Variants in FOXF1 observed in about 807,000 individuals in gnomAD.
The protein encoded by FOXF1 is forkhead box protein F1.
Under a neutral mutation model 26.6 loss-of-function variants are expected in FOXF1, and 9 were observed. The ratio of observed to expected loss-of-function variants is 0.34; its 90% CI spans 0.20 to 0.59. FOXF1 has a LOEUF of 0.59. FOXF1 is among the 20% of genes least tolerant of loss of function. The probability of loss-of-function intolerance (pLI) is 0.83; values close to 1 mark genes in which losing one functional copy is unlikely to be tolerated. For synonymous variants in FOXF1, 330 were observed against 257.7 expected, an observed-to-expected ratio of 1.28 and a Z score of -2.69; for missense variants, 499 against 549.9, an observed-to-expected ratio of 0.91 and a Z score of 0.93.
rs1031693586 is a variant in FOXF1, at chr16:86,515,364, T to C, written c.*2279T>C. 3 of 152,198 alleles carry C rather than the reference T, an allele frequency of 2.0e-5. No homozygotes were observed. Among genetic ancestry groups the C allele is most frequent in the Non-Finnish European group, 4.4e-5 (3 of 68,050 alleles). 9.4% of individuals were successfully genotyped at this position (152,198 alleles called of 1,614,324 possible). On this transcript the variant is annotated 3_prime_UTR_variant, in exon 2 of 2. Transcript: ENST00000262426. This position sits in a 1 kb window ranked among gnomAD's most constrained non-coding sequence, Gnocchi z 4.1. ...TTGGACGTGGGGGTAATTTCTCCGG[T>C]GCTCTGTTACATCAAAATTATCAAT...
rs904576692 is a variant in FOXF1, at chr16:86,511,301, C to A, written c.732C>A (p.Pro244=). The A allele has an allele frequency of 7.9e-6, 12 of 1,521,544 alleles. No individual in the cohort carries two copies. Among genetic ancestry groups the A allele is most frequent in the African/African-American group, 2.8e-5 (2 of 71,722 alleles). 94.3% of individuals were successfully genotyped at this position (1,521,544 alleles called of 1,614,324 possible). A position where few individuals can be genotyped will look rare whatever the true frequency, so the allele number is the denominator to read the frequency against. Residue 244 remains proline (P), a synonymous_variant, in exon 1 of 2, where the codon CCC becomes CCA. Transcript: ENST00000262426. ...ACCCGCACCACGACAGCTCGGTGCCCGCCTCCCCGCTGCTGCCCACCGGCG... is the reference window on the plus strand; with the variant it reads ...ACCCGCACCACGACAGCTCGGTGCCAGCCTCCCCGCTGCTGCCCACCGGCG... ...GEYPHHDSSV[P]ASPLLPTGAG... is the part of the protein sequence containing the mutation.
In FOXF1 at chr16:86,510,674, G is replaced by C; in HGVS notation, c.105G>C (p.Lys35Asn). 1 of 1,611,592 alleles carries C rather than the reference G, an allele frequency of 6.2e-7. No individual in the cohort carries two copies. The highest frequency in any genetic ancestry group is 1.1e-5 in the South Asian group (1 of 91,024). The change falls in exon 1 of 2, where the codon AAG (lysine) becomes AAC (asparagine). Residue 35 changes from lysine to asparagine, a missense_variant. Physicochemically the swap from Lys to Asn is moderately conservative, Grantham distance 94 (BLOSUM62 0). Coordinates refer to ENST00000262426, the MANE Select transcript of FOXF1 (RefSeq NM_001451.3). ...ACCCCGCGTCGTCCGGCCCGTCCAAGGCCAAGAAGACCAACGCCGGCATCC... is the reference window on the plus strand; with the variant it reads ...ACCCCGCGTCGTCCGGCCCGTCCAACGCCAAGAAGACCAACGCCGGCATCC... ...AMDPASSGPSKAKKTNAGIRR... is the reference protein window; with the variant it reads ...AMDPASSGPSNAKKTNAGIRR...
In FOXF1 at chr16:86,511,396, C is replaced by G; in HGVS notation, c.827C>G (p.Ala276Gly). Reference sequence around the variant, plus strand: ...GCGGCCTGGCCGCCCTCGGCGTCCGCGGCGCTCAACAGCGGCGCCTCTTAT... The same window carrying G: ...GCGGCCTGGCCGCCCTCGGCGTCCGGGGCGCTCAACAGCGGCGCCTCTTAT... ...SAAAWPPSAS[A>G]ALNSGASYIK... The change falls in exon 1 of 2, where the codon GCG becomes GGG. Residue 276 changes from alanine to glycine, a missense_variant. Ala to Gly is a moderately conservative substitution (Grantham distance 60, BLOSUM62 0). Transcript: ENST00000262426. The G allele has an allele frequency of 6.3e-7, 1 of 1,588,336 alleles. No homozygotes were observed. The highest frequency in any genetic ancestry group is 8.5e-7 in the Non-Finnish European group (1 of 1,175,460).
chr16:86,512,018 C>T (rs1207773458), intron 1 of FOXF1, among the ~76,000 whole-genome samples: 1 of 152,218 alleles, frequency 6.6e-6, no homozygotes. Flanking sequence ...CCCAAAGCCG[C>T]TGGGCCAGCG....
Position 86,513,371 on chromosome 16 carries a change from G to T in FOXF1, c.*286G>T, listed in dbSNP as rs1167438463. 1 of 451,808 alleles carries T rather than the reference G, an allele frequency of 2.2e-6. No individual in the cohort carries two copies. Among genetic ancestry groups the T allele is most frequent in the Non-Finnish European group, 4.0e-6 (1 of 249,678 alleles). The allele number at this position is 451,808 out of a possible 1,614,324, so 28.0% of individuals were successfully genotyped here. A position where few individuals can be genotyped will look rare whatever the true frequency, so the allele number is the denominator to read the frequency against. On this transcript the variant is annotated 3_prime_UTR_variant, in exon 2 of 2. Transcript: ENST00000262426. Reference sequence around the variant, plus strand: ...TTTTGATCCTGTTGAACCCGCCTGAGACGGTGCTGTGCAGGGGAAAGCCCC... The same window carrying T: ...TTTTGATCCTGTTGAACCCGCCTGATACGGTGCTGTGCAGGGGAAAGCCCC...
rs975882773 is a variant in FOXF1, at chr16:86,510,680, G to A, written c.111G>A (p.Lys37=). The A allele has an allele frequency of 1.2e-6, 2 of 1,612,212 alleles. No individual in the cohort carries two copies. The highest frequency in any genetic ancestry group is 2.7e-5 in the African/African-American group (2 of 74,998). The change falls in exon 1 of 2, where the codon AAG becomes AAA. Residue 37 remains lysine, a synonymous_variant. Transcript: ENST00000262426. ...CGTCGTCCGGCCCGTCCAAGGCCAA[G>A]AAGACCAACGCCGGCATCCGGCGCC... ...DPASSGPSKA[K]KTNAGIRRPE...
chr16:86,511,665 G>A (rs1339861602), intron 1 of FOXF1, 117 bp downstream of exon 1: 2 of 1,423,584 alleles, frequency 1.4e-6, no homozygotes, highest in Non-Finnish European at 1.9e-6. Flanking sequence ...GCTGAGGGGA[G>A]GCACCAGCTC....
chr16:86,510,545 C>T lies in FOXF1; in HGVS notation c.-25C>T. 5 of 1,289,434 alleles carry T rather than the reference C, an allele frequency of 3.9e-6. No homozygotes were observed. Among genetic ancestry groups the T allele is most frequent in the African/African-American group, 1.6e-5 (1 of 64,116 alleles). 79.9% of individuals were successfully genotyped at this position (1,289,434 alleles called of 1,614,324 possible). Reference sequence around the variant, plus strand: ...CCGCGGCGCAGAGCAGCGGCGGCAGCGGCGGCGGCGGCAGCAGCCACCCGA... The same window carrying T: ...CCGCGGCGCAGAGCAGCGGCGGCAGTGGCGGCGGCGGCAGCAGCCACCCGA... On this transcript the variant is annotated 5_prime_UTR_variant, in exon 1 of 2. Coordinates refer to ENST00000262426, the MANE Select transcript of FOXF1 (RefSeq NM_001451.3).
At chr16:86,512,493 C>T (rs1969582105) in intron 1 of FOXF1, among the ~76,000 whole-genome samples, 1 of 152,246 alleles carries the variant, frequency 6.6e-6, no homozygotes, top group Non-Finnish European at 1.5e-5. Flanking sequence ...TGCTGCTGGC[C>T]CGGCGCTGGC....
chr16:86,513,165 C>G lies in FOXF1; in HGVS notation c.*80C>G, dbSNP rs1188717209. 1 of 1,473,292 alleles carries G rather than the reference C, an allele frequency of 6.8e-7. No homozygotes were observed. Among genetic ancestry groups the G allele is most frequent in the African/African-American group, 1.4e-5 (1 of 72,232 alleles). 91.3% of individuals were successfully genotyped at this position (1,473,292 alleles called of 1,614,324 possible). A position where few individuals can be genotyped will look rare whatever the true frequency, so the allele number is the denominator to read the frequency against. ...CCGGCACAAGAAACTGCTTTCTTCT[C>G]GAGGTATAACCGTCGGCAGAAGAAA... is the stretch of plus-strand genomic sequence containing the variant. On this transcript the variant is annotated 3_prime_UTR_variant, in exon 2 of 2. Transcript: ENST00000262426.
chr16:86,510,839 G>A lies in FOXF1; in HGVS notation c.270G>A (p.Gln90=). The change falls in exon 1 of 2, where the codon CAG becomes CAA. Residue 90 remains glutamine (Q), a synonymous_variant. Transcript: ENST00000262426. The stretch of plus-strand genomic sequence containing the variant: ...TCCCCTTCTTCCGGGGCTCCTACCA[G>A]GGCTGGAAGAACTCCGTGCGCCACA... ...SRFPFFRGSY[Q]GWKNSVRHNL... The A allele has an allele frequency of 6.2e-7, 1 of 1,614,138 alleles. No individual in the cohort carries two copies. The highest frequency in any genetic ancestry group is 1.1e-5 in the South Asian group (1 of 91,086).
At chr16:86,511,590 G>C (rs1004722905) in intron 1 of FOXF1, 42 bp downstream of exon 1, 3 of 1,549,534 alleles carry the variant, frequency 1.9e-6, no homozygotes, top group South Asian at 1.2e-5. Context: ...CCGGGAAGTC[G>C]AGTCTGAGTG....
In FOXF1 at chr16:86,511,507, A is replaced by T. The variant is rs1336192835; in HGVS notation, c.938A>T (p.Tyr313Phe). 1.9e-6 allele frequency: 3 copies of T among 1,586,130 alleles called. No homozygotes were observed. The highest frequency in any genetic ancestry group is 2.2e-5 in the South Asian group (2 of 89,094). ...SLSTHSLEQP[Y>F]LHQNSHNAPA... ...TCCACGCACTCCCTGGAGCAGCCGTATCTGCACCAGAACAGCCACAACGCC... is the reference window on the plus strand; with the variant it reads ...TCCACGCACTCCCTGGAGCAGCCGTTTCTGCACCAGAACAGCCACAACGCC... The change falls in exon 1 of 2, where the codon TAT becomes TTT. Residue 313 changes from tyrosine (Y) to phenylalanine (F), a missense_variant. Physicochemically the swap from Tyr to Phe is conservative, Grantham distance 22 (BLOSUM62 3). Around this residue, in one of 5 missense-constraint regions of FOXF1, gnomAD observed 367 missense variants for 324.8 expected, o/e 1.13. Coordinates refer to ENST00000262426, the MANE Select transcript of FOXF1 (RefSeq NM_001451.3).
At chr16:86,512,880 T>A in intron 1 of FOXF1, 45 bp from the exon 2 acceptor site, 1 of 1,611,892 alleles carries the variant, frequency 6.2e-7, no homozygotes. Flanking sequence ...CCACCGTGGC[T>A]AACTCTTCTG....
chr16:86,513,203 C>A lies in FOXF1; in HGVS notation c.*118C>A. On this transcript the variant is annotated 3_prime_UTR_variant, in exon 2 of 2. Coordinates refer to ENST00000262426, the MANE Select transcript of FOXF1 (RefSeq NM_001451.3). ...TCGGCAGAAGAAAAGGGTTCCACCTCTCCCCAACCGGAGTTTTTGGCAAGG... is the reference window on the plus strand; with the variant it reads ...TCGGCAGAAGAAAAGGGTTCCACCTATCCCCAACCGGAGTTTTTGGCAAGG... 1 of 1,131,100 alleles carries A rather than the reference C, an allele frequency of 8.8e-7. No homozygotes were observed. Among genetic ancestry groups the A allele is most frequent in the Non-Finnish European group, 1.3e-6 (1 of 790,648 alleles). The allele number at this position is 1,131,100 out of a possible 1,614,324, so 70.1% of individuals were successfully genotyped here.
In FOXF1 at chr16:86,511,442, C is replaced by G. The variant is rs61753347; in HGVS notation, c.873C>G (p.Ser291=). ...CTTATATCAAGCAGCAGCCCCTGTCCCCCTGTAACCCCGCGGCCAACCCCC... is the reference window on the plus strand; with the variant it reads ...CTTATATCAAGCAGCAGCCCCTGTCGCCCTGTAACCCCGCGGCCAACCCCC... ...GASYIKQQPL[S]PCNPAANPLS... Residue 291 remains serine, a synonymous_variant, in exon 1 of 2, where the codon TCC becomes TCG. Coordinates refer to ENST00000262426, the MANE Select transcript of FOXF1 (RefSeq NM_001451.3). 6.3e-7 allele frequency: 1 copy of G among 1,594,816 alleles called. No homozygotes were observed. The highest frequency in any genetic ancestry group is 1.3e-5 in the African/African-American group (1 of 74,962).
At position 86,511,561 on chromosome 16, in the gene FOXF1, G is replaced by A. The variant is rs747937301; in HGVS notation, c.979+13G>A. On this transcript the variant is annotated intron_variant, in intron 1 of 1. Transcript: ENST00000262426. ...GCCGAGCTGCAAGGTGAGTGGGGAG[G>A]CCGAGGGCGCCCTGGTCCCCGGGAA... 4 of 1,574,954 alleles carry A rather than the reference G, an allele frequency of 2.5e-6. No homozygotes were observed. The highest frequency in any genetic ancestry group is 1.3e-5 in the African/African-American group (1 of 74,376).
intron 1 of FOXF1, among the ~76,000 whole-genome samples, chr16:86,511,749 T>C (rs1969569476): frequency 6.6e-6 from 1 of 152,196 alleles, no homozygotes; most frequent in South Asian, 2.1e-4. Flanking sequence ...TTTGGGCCAA[T>C]CTGTTTCTCT....
rs377529538 is a variant in FOXF1, at chr16:86,514,028, A to T, written c.*943A>T. On this transcript the variant is annotated 3_prime_UTR_variant, in exon 2 of 2. Coordinates refer to ENST00000262426, the MANE Select transcript of FOXF1 (RefSeq NM_001451.3). Reference sequence around the variant, plus strand: ...TTAAGGCACTTTTAAAAACTATAGCAAGGCTCCTGTTTATTTATTCTACTT... The same window carrying T: ...TTAAGGCACTTTTAAAAACTATAGCTAGGCTCCTGTTTATTTATTCTACTT... The T allele has an allele frequency of 6.6e-6, 1 of 152,224 alleles. No homozygotes were observed. The highest frequency in any genetic ancestry group is 1.5e-5 in the Non-Finnish European group (1 of 68,038). The allele number at this position is 152,224 out of a possible 1,614,324, so 9.4% of individuals were successfully genotyped here. A position where few individuals can be genotyped will look rare whatever the true frequency, so the allele number is the denominator to read the frequency against.
Sources: allele counts gnomAD v4.1 joint callset (sites outside exome capture counted in the v4.1 genomes callset), GRCh38; gene constraint gnomAD v4.1.1; regional missense constraint gnomAD v4.1.1; non-coding constraint Gnocchi (gnomAD v3.1); transcripts MANE v1.5; gene names NCBI Gene and HGNC (gene_info 2026-07-23, HGNC 2026-07-21).